Variants in SAMD8 observed in about 807,000 individuals in gnomAD.
The protein encoded by SAMD8 is sterile alpha motif domain containing 8, also known as sphingomyelin synthase-related protein 1.
A neutral mutation model predicts 42.0 loss-of-function variants in SAMD8; 20 were observed. The observed-to-expected ratio is 0.48, with a 90% CI of 0.34 to 0.69. The LOEUF (loss-of-function observed/expected upper bound fraction) is 0.69, where lower values mean the gene tolerates loss of function less well. SAMD8 is among the 30% of genes least tolerant of loss of function. The pLI is 0.01. For missense variants in SAMD8, 328 were observed against 511.6 expected, an observed-to-expected ratio of 0.64 and a Z score of 3.46; for synonymous variants, 162 against 173.0, an observed-to-expected ratio of 0.94 and a Z score of 0.50.
chr10:75,118,931 G>A (rs1848943212), intron 1 of SAMD8, among the ~76,000 whole-genome samples: 1 of 152,120 alleles, frequency 6.6e-6, no homozygotes, highest in Admixed American at 6.6e-5. Flanking sequence ...TTATTATGTG[G>A]ATATTAGATA....
chr10:75,175,753 T>C (rs2804527), intron 4 of SAMD8: 79,591 of 342,874 alleles, frequency 0.23, 9,922 homozygotes, highest in East Asian at 0.59. Flanking sequence ...TTCGCCATGT[T>C]GGCCAGGCTG....
At chr10:75,108,213 G>T, upstream of SAMD8, 1 of 1,593,750 alleles carries the variant, frequency 6.3e-7, no homozygotes, top group Non-Finnish European at 8.5e-7. Flanking sequence ...CGTGGCCCTG[G>T]GGAGGGCAGG....
intron 1 of SAMD8, among the ~76,000 whole-genome samples, chr10:75,147,537 A>C (rs1246724456): frequency 6.6e-6 from 1 of 152,008 alleles, no homozygotes; most frequent in African/African-American, 2.4e-5. Flanking sequence ...CATCTTGGCC[A>C]GGTTGGTCTT....
At position 75,180,037 on chromosome 10, in the gene SAMD8, G is replaced by C. The variant is rs985089737; in HGVS notation, c.*3345G>C. 6.7e-6 allele frequency: 1 copy of C among 149,638 alleles called. No individual in the cohort carries two copies. Among genetic ancestry groups the C allele is most frequent in the African/African-American group, 2.5e-5 (1 of 40,476 alleles). 9.3% of individuals were successfully genotyped at this position (149,638 alleles called of 1,614,324 possible). On this transcript the variant is annotated 3_prime_UTR_variant, in exon 6 of 6. Coordinates refer to ENST00000542569, the MANE Select transcript of SAMD8 (RefSeq NM_001174156.2). ...TTTCTTTTCCTTTTTTTTTTTTAAA[G>C]ACCAGGTAGGGTAGTGTTATTGAAG...
At chr10:75,150,449 G>A (rs1231584321) in intron 1 of SAMD8, 65 bp from the exon 2 acceptor site, 2 of 1,524,932 alleles carry the variant, frequency 1.3e-6, no homozygotes, top group Non-Finnish European at 1.8e-6. Context: ...ATGTGTGTTT[G>A]TCTTTGAAGA....
At chr10:75,170,446 T>C (rs550969766) in intron 4 of SAMD8, among the ~76,000 whole-genome samples, 81 of 152,276 alleles carry the variant, frequency 5.3e-4, no homozygotes, top group Non-Finnish European at 9.7e-4. Context: ...CTCCTGGTAT[T>C]AGGAAGGCTT....
At chr10:75,160,713 T>G (rs188204091) in intron 2 of SAMD8, among the ~76,000 whole-genome samples, 53 of 152,232 alleles carry the variant, frequency 3.5e-4, no homozygotes, top group African/African-American at 1.3e-3. Context: ...AGTAGAACGC[T>G]AAGTACCTGT....
chr10:75,172,413 C>G (rs947146645), intron 4 of SAMD8, among the ~76,000 whole-genome samples: 12 of 151,948 alleles, frequency 7.9e-5, no homozygotes, highest in African/African-American at 2.9e-4. Context: ...AGCTCACTGT[C>G]AGCCTAAAAT....
intron 1 of SAMD8, among the ~76,000 whole-genome samples, chr10:75,101,028 A>G (rs910639760): frequency 1.3e-5 from 2 of 152,252 alleles, no homozygotes; most frequent in Non-Finnish European, 2.9e-5. Context: ...GAGGCCAGAC[A>G]GAAGTGTGGC....
intron 2 of SAMD8, among the ~76,000 whole-genome samples, chr10:75,151,561 C>G (rs947210215): frequency 1.3e-5 from 2 of 151,968 alleles, no homozygotes; most frequent in African/African-American, 4.8e-5. Flanking sequence ...ACCGTGTTGC[C>G]CAGGCTGGGT....
chr10:75,120,302 C>T (rs183664821), intron 1 of SAMD8, among the ~76,000 whole-genome samples: 127 of 152,226 alleles, frequency 8.3e-4, no homozygotes, highest in East Asian at 3.9e-3. Context: ...AATGGAGTCT[C>T]GCTCTATTGC....
chr10:75,146,178 G>T (rs1323344465), intron 1 of SAMD8, among the ~76,000 whole-genome samples: 1 of 151,688 alleles, frequency 6.6e-6, no homozygotes, highest in Non-Finnish European at 1.5e-5. Context: ...GCCTCTTGTG[G>T]CTGGGAAACT....
intron 1 of SAMD8, among the ~76,000 whole-genome samples, chr10:75,144,898 A>G (rs545724107): frequency 2.4e-4 from 36 of 152,270 alleles, no homozygotes; most frequent in East Asian, 1.2e-3. Flanking sequence ...GGCTTAAGCA[A>G]TCCTCCCACC....
rs1053863658 is a variant in SAMD8 at position 75,179,605 on chromosome 10, T to C, written c.*2913T>C. On this transcript the variant is annotated 3_prime_UTR_variant, in exon 6 of 6. Transcript: ENST00000542569. ...GTTTTAACTATTATAAGGCAGTGTT[T>C]ACATAAATTAATCATCTCTTTCTTG... 4 of 152,230 alleles carry C rather than the reference T, an allele frequency of 2.6e-5. No homozygotes were observed. Among genetic ancestry groups the C allele is most frequent in the African/African-American group, 9.6e-5 (4 of 41,474 alleles). 9.4% of individuals were successfully genotyped at this position (152,230 alleles called of 1,614,324 possible).
intron 1 of SAMD8, among the ~76,000 whole-genome samples, chr10:75,137,841 C>T (rs1247081176): frequency 6.6e-6 from 1 of 152,150 alleles, no homozygotes; most frequent in African/African-American, 2.4e-5. Context: ...GGAAACAGAA[C>T]TATAACACTT....
rs187117815 is a variant in SAMD8, at chr10:75,146,949, A to G, written c.-15-3565A>G. On this transcript the variant is annotated intron_variant, in intron 1 of 5. Coordinates refer to ENST00000542569, the MANE Select transcript of SAMD8 (RefSeq NM_001174156.2). ...TCTTAACTATTATATAGTAGCATAC[A>G]ATTAAAGGGCATGCACTGACCTGAT... Among the ~76,000 whole-genome samples, 45 of 152,310 alleles carry G rather than the reference A, an allele frequency of 3.0e-4. No individual in the cohort carries two copies. The East Asian group carries it at 8.3e-3, about 28-fold the overall frequency.
intron 1 of SAMD8, among the ~76,000 whole-genome samples, chr10:75,122,968 A>G (rs1187940789): frequency 1.3e-5 from 2 of 152,118 alleles, no homozygotes; most frequent in Non-Finnish European, 2.9e-5. Flanking sequence ...TTTGGTCATG[A>G]TATATAATTA....
intron 4 of SAMD8, among the ~76,000 whole-genome samples, chr10:75,175,154 G>A (rs562850799): frequency 6.6e-6 from 1 of 152,258 alleles, no homozygotes; most frequent in South Asian, 2.1e-4. Flanking sequence ...CAAAACTGTT[G>A]TCTCTTACCT....
At chr10:75,105,137 TCA>T (rs1471301657) in intron 1 of SAMD8, among the ~76,000 whole-genome samples, 2 of 151,934 alleles carry the variant, frequency 1.3e-5, no homozygotes, top group African/African-American at 4.8e-5. Flanking sequence ...TGGCCTTAGC[TCA>T]CTGATGAGAA....
Sources: allele counts gnomAD v4.1 joint callset (sites outside exome capture counted in the v4.1 genomes callset), GRCh38; gene constraint gnomAD v4.1.1; transcripts MANE v1.5; gene names NCBI Gene and HGNC (gene_info 2026-07-23, HGNC 2026-07-21).